The following RYR3 variants were observed in gnomAD, a reference collection of about 807,000 sequenced individuals.
RYR3 encodes the protein brain ryanodine receptor-calcium release channel.
A neutral mutation model predicts 584.3 loss-of-function variants in RYR3; 207 were observed. That is an observed-to-expected ratio of 0.35 (90% confidence interval 0.32 to 0.40). RYR3 has a LOEUF of 0.40. RYR3 is among the 10% of genes least tolerant of loss of function. The pLI is 1.00. For missense variants in RYR3, 5,616 were observed against 6,089.2 expected (o/e 0.92, Z 2.59); for synonymous variants, 2,416 against 2,248.5 (o/e 1.07, Z -2.11).
chr15:33,746,395 A>G (rs934396738), intron 53 of RYR3, among the ~76,000 whole-genome samples: 10 of 152,228 alleles, frequency 6.6e-5, no homozygotes, highest in African/African-American at 2.4e-4. Context: ...AGCATTGTTC[A>G]GCACTTTGAG....
At chr15:33,495,124 T>TG (rs2051303332) in intron 2 of RYR3, among the ~76,000 whole-genome samples, 2 of 152,244 alleles carry the variant, frequency 1.3e-5, no homozygotes, top group Non-Finnish European at 2.9e-5. Context: ...TGAGCCCTGA[T>TG]AGTCCCAGTA....
intron 90 of RYR3, 91 bp from the exon 91 acceptor site, chr15:33,841,773 C>G (rs1390714246): frequency 6.0e-6 from 8 of 1,344,474 alleles, no homozygotes; most frequent in Non-Finnish European, 8.1e-6. Context: ...TCCCGGCCCT[C>G]TCAATCCAGA....
chr15:33,473,789 T>C (rs1249857164), intron 2 of RYR3, among the ~76,000 whole-genome samples: 2 of 152,210 alleles, frequency 1.3e-5, no homozygotes, highest in Non-Finnish European at 2.9e-5. Flanking sequence ...CTGGGGAGGC[T>C]TTGAGCTCAC....
chr15:33,663,607 G>T lies in RYR3; in HGVS notation c.5489G>T (p.Gly1830Val). Residue 1830 changes from glycine to valine, a missense_variant, in exon 36 of 104, where the codon GGT (glycine) becomes GTT (valine). Around this residue, in one of 9 missense-constraint regions of RYR3, gnomAD observed 1,280 missense variants for 1,426.2 expected, o/e 0.90. Coordinates refer to ENST00000634891, the MANE Select transcript of RYR3 (RefSeq NM_001036.6). ...CGAGTGGAGGCCATTGTGGCATTTG[G>T]TGACATTTATGTCTCCAAGCTGCAG... ...QHRVEAIVAF[G>V]DIYVSKLQAN... The T allele has an allele frequency of 6.2e-7, 1 of 1,613,678 alleles. No individual in the cohort carries two copies. The highest frequency in any genetic ancestry group is 8.5e-7 in the Non-Finnish European group (1 of 1,179,818).
Position 33,755,106 on chromosome 15 carries a change from A to G in RYR3, c.8441A>G (p.Lys2814Arg), listed in dbSNP as rs759168322. ...DMELDASSME[K>R]RFAYKFLKKI... ...GAGCTGGATGCCTCCTCCATGGAGAAGAGGTTTGCCTATAAGTTCTTGAAG... is the reference window on the plus strand; with the variant it reads ...GAGCTGGATGCCTCCTCCATGGAGAGGAGGTTTGCCTATAAGTTCTTGAAG... Residue 2814 changes from lysine (K) to arginine (R), a missense_variant, in exon 58 of 104, where the codon AAG becomes AGG. By Grantham distance (26) the Lys-to-Arg change is conservative. Transcript: ENST00000634891. 1.2e-6 allele frequency: 2 copies of G among 1,613,312 alleles called. No homozygotes were observed. The highest frequency in any genetic ancestry group is 1.7e-6 in the Non-Finnish European group (2 of 1,179,526).
intron 41 of RYR3, 24 bp downstream of exon 41, chr15:33,699,857 C>A (rs774036324): frequency 6.2e-7 from 1 of 1,602,584 alleles, no homozygotes; most frequent in Non-Finnish European, 8.5e-7. Context: ...CTTGTAACTT[C>A]CACATCCAAA....
intron 59 of RYR3, among the ~76,000 whole-genome samples, chr15:33,756,880 C>T (rs1229766434): frequency 2.0e-5 from 3 of 152,032 alleles, no homozygotes; most frequent in Admixed American, 6.6e-5. Flanking sequence ...AGTTCAGGGA[C>T]CGGGAGAAGG....
chr15:33,669,833 T>G (rs2063708617), intron 37 of RYR3, among the ~76,000 whole-genome samples: 6 of 14,414 alleles, frequency 4.2e-4, no homozygotes, highest in Admixed American at 9.3e-4. Context: ...CTATTAGGGG[T>G]GTGTGTGTGT....
At chr15:33,650,071 T>G (rs2062373749) in intron 31 of RYR3, among the ~76,000 whole-genome samples, 1 of 152,200 alleles carries the variant, frequency 6.6e-6, no homozygotes, top group South Asian at 2.1e-4. Context: ...ACGAGGGACC[T>G]GCAGCTGGTT....
chr15:33,564,575 A>G (rs961924660), intron 11 of RYR3, among the ~76,000 whole-genome samples: 3 of 152,224 alleles, frequency 2.0e-5, no homozygotes, highest in South Asian at 2.1e-4. Flanking sequence ...TATAGAGTGC[A>G]GTAATACCAT....
chr15:33,736,805 G>A (rs2069511865), intron 49 of RYR3, among the ~76,000 whole-genome samples: 2 of 152,058 alleles, frequency 1.3e-5, no homozygotes, highest in South Asian at 2.1e-4. Context: ...CTGAAGTGCA[G>A]TGGTGAGATC....
chr15:33,491,033 T>C (rs1329443486), intron 2 of RYR3, among the ~76,000 whole-genome samples: 1 of 152,160 alleles, frequency 6.6e-6, no homozygotes, highest in Non-Finnish European at 1.5e-5. Context: ...ACTAGCTTTT[T>C]TTAAAAAAAT....
chr15:33,357,122 A>C (rs1272507770), intron 1 of RYR3, among the ~76,000 whole-genome samples: 2 of 152,088 alleles, frequency 1.3e-5, no homozygotes, highest in East Asian at 3.9e-4. Flanking sequence ...TCCTGGACAT[A>C]TGTGGTGTTT....
rs747918264 is a variant in RYR3 at position 33,827,279 on chromosome 15, C to A, written c.11326C>A (p.Arg3776Ser). 6.4e-7 allele frequency: 1 copy of A among 1,552,962 alleles called. No individual in the cohort carries two copies. The highest frequency in any genetic ancestry group is 8.7e-7 in the Non-Finnish European group (1 of 1,147,816). ...CATCAGCACTGTGGACTACCTTCTGCGTCTGCAGGTGAGTGGGAGGGCCTT... is the reference window on the plus strand; with the variant it reads ...CATCAGCACTGTGGACTACCTTCTGAGTCTGCAGGTGAGTGGGAGGGCCTT... ...VIISTVDYLL[R>S]LQESISDFYW... is the part of the protein sequence containing the mutation. Residue 3776 changes from arginine to serine, a missense_variant, in exon 85 of 104, where the codon CGT becomes AGT. By Grantham distance (110) the Arg-to-Ser change is moderately radical. Around this residue, in one of 9 missense-constraint regions of RYR3, gnomAD observed 954 missense variants for 1,132.2 expected, o/e 0.84. Transcript: ENST00000634891.
chr15:33,813,801 C>T, intron 74 of RYR3: 1 of 441,188 alleles, frequency 2.3e-6, no homozygotes, highest in South Asian at 4.0e-5. Context: ...TCCTGTCAGG[C>T]TCACCATTTG....
At chr15:33,595,963 T>A (rs1411715530) in intron 16 of RYR3, among the ~76,000 whole-genome samples, 1 of 152,134 alleles carries the variant, frequency 6.6e-6, no homozygotes, top group African/African-American at 2.4e-5. Context: ...GACTTTCTGA[T>A]TTATTCTGAA....
At chr15:33,488,648 C>T (rs377203086) in intron 2 of RYR3, among the ~76,000 whole-genome samples, 17 of 151,982 alleles carry the variant, frequency 1.1e-4, no homozygotes, top group South Asian at 4.2e-4. Context: ...GTCAGGAGAT[C>T]GAGACCATCC....
chr15:33,359,231 T>A (rs2140992098), intron 1 of RYR3, among the ~76,000 whole-genome samples: 1 of 152,322 alleles, frequency 6.6e-6, no homozygotes, highest in African/African-American at 2.4e-5. Flanking sequence ...GCATTTTTCT[T>A]CTCTTTCAGA....
intron 70 of RYR3, 93 bp downstream of exon 70, chr15:33,807,662 T>C: frequency 7.7e-7 from 1 of 1,302,772 alleles, no homozygotes; most frequent in East Asian, 2.5e-5. Flanking sequence ...ATGGGGGTGG[T>C]AGAGAATGGA....
Sources: gnomAD v4.1 joint callset for allele counts (sites outside exome capture counted in the v4.1 genomes callset) on GRCh38, gnomAD v4.1.1 for gene constraint, gnomAD v4.1.1 regional missense constraint, MANE v1.5 for transcripts, NCBI Gene and HGNC (gene_info 2026-07-23, HGNC 2026-07-21) for gene names.